ZNF346: variants seen among roughly 807,000 people sequenced by gnomAD.
ZNF346 encodes zinc finger protein 346.
In ZNF346, 23 loss-of-function variants were observed where a neutral mutation model predicts 33.7. That is an observed-to-expected ratio of 0.68 (90% CI 0.49 to 0.97). The LOEUF is 0.97. Among genes scored for constraint, ZNF346 ranks in the 50% least tolerant of loss-of-function variants. The pLI is 0.00. For missense variants in ZNF346, 340 were observed against 371.1 expected (o/e 0.92, Z 0.69); for synonymous variants, 134 against 142.4 (o/e 0.94, Z 0.42).
chr5:177,079,595 G>C (rs184595990), exon 9 of ZNF346: 2 of 152,182 alleles, frequency 1.3e-5, no homozygotes, highest in South Asian at 4.1e-4. Context: ...ACCTCTGGAC[G>C]TGGGGCTAAG....
At chr5:177,043,751 G>A (rs1779668881) in intron 3 of ZNF346, among the ~76,000 whole-genome samples, 1 of 151,686 alleles carries the variant, frequency 6.6e-6, no homozygotes, top group Non-Finnish European at 1.5e-5. Flanking sequence ...GCAACAGAGT[G>A]AGACCCTGTC....
At chr5:177,028,494 TTTTATA>T (rs1167383099) in intron 1 of ZNF346, among the ~76,000 whole-genome samples, 19 of 45,994 alleles carry the variant, frequency 4.1e-4, no homozygotes, top group African/African-American at 1.1e-3. Flanking sequence ...ACTTGTGACG[TTTTATA>T]TATATATATA....
At chr5:177,076,793 CA>C (rs1783772024) in intron 8 of ZNF346, among the ~76,000 whole-genome samples, 1 of 152,186 alleles carries the variant, frequency 6.6e-6, no homozygotes, top group Non-Finnish European at 1.5e-5. Context: ...GTAATCCCAG[CA>C]GTTTGGGAGG....
At chr5:177,078,377 T>C (rs1379777737) in intron 8 of ZNF346, among the ~76,000 whole-genome samples, 1 of 151,992 alleles carries the variant, frequency 6.6e-6, no homozygotes, top group Non-Finnish European at 1.5e-5. Context: ...GCAGGTGTCT[T>C]GGGGGAGACT....
downstream of ZNF346, among the ~76,000 whole-genome samples, chr5:177,070,855 ACTG>A (rs1783467197): frequency 6.6e-6 from 1 of 152,124 alleles, no homozygotes; most frequent in Non-Finnish European, 1.5e-5. Flanking sequence ...ACCCTCCACT[ACTG>A]GGGAGCCCCT....
chr5:177,037,684 A>G (rs1778689975), intron 1 of ZNF346, among the ~76,000 whole-genome samples: 1 of 152,104 alleles, frequency 6.6e-6, no homozygotes, highest in Non-Finnish European at 1.5e-5. Context: ...AGCTTCCATC[A>G]TCTATTCTCT....
chr5:177,049,025 A>C (rs1165246349), intron 4 of ZNF346, among the ~76,000 whole-genome samples: 1 of 152,004 alleles, frequency 6.6e-6, no homozygotes, highest in South Asian at 2.1e-4. Flanking sequence ...GAGTCAGATT[A>C]TCTGCCTGCC....
At chr5:177,058,610 A>C (rs1444347851) in intron 5 of ZNF346, among the ~76,000 whole-genome samples, 1 of 152,232 alleles carries the variant, frequency 6.6e-6, no homozygotes, top group Non-Finnish European at 1.5e-5. Context: ...TCACAAATAA[A>C]GAAGTTGAGA....
intron 5 of ZNF346, among the ~76,000 whole-genome samples, chr5:177,053,830 G>A (rs1287263652): frequency 6.6e-6 from 1 of 152,036 alleles, no homozygotes; most frequent in African/African-American, 2.4e-5. Flanking sequence ...AATCCATAGG[G>A]GATACGTTTC....
intron 8 of ZNF346, among the ~76,000 whole-genome samples, chr5:177,075,637 C>A (rs1347506832): frequency 6.6e-6 from 1 of 152,152 alleles, no homozygotes; most frequent in African/African-American, 2.4e-5. Flanking sequence ...CCACCTCAGC[C>A]TCCTGAGTAG....
intron 1 of ZNF346, among the ~76,000 whole-genome samples, chr5:177,023,546 A>C (rs1776218206): frequency 6.6e-6 from 1 of 152,208 alleles, no homozygotes; most frequent in Non-Finnish European, 1.5e-5. Flanking sequence ...GTTGCTGAGA[A>C]CAGTGTATGC....
chr5:177,073,098 A>G (rs1263704968), intron 8 of ZNF346, among the ~76,000 whole-genome samples: 1 of 152,158 alleles, frequency 6.6e-6, no homozygotes, highest in Non-Finnish European at 1.5e-5. Flanking sequence ...CTGTGTTACG[A>G]TGATCTAATT....
chr5:177,062,090 A>G lies in ZNF346; in HGVS notation c.736A>G (p.Ile246Val), dbSNP rs970081436. ...GGGCTACCCCTGCAAAACATGTAAG[A>G]TAGTGCTGAACTCCATAGAACAGTA... ...GKGYPCKTCK[I>V]VLNSIEQYQA... is the part of the protein sequence containing the mutation. Residue 246 changes from isoleucine to valine, a missense_variant, in exon 6 of 7, where the codon ATA becomes GTA. By Grantham distance (29) the Ile-to-Val change is conservative. Coordinates refer to ENST00000358149, the MANE Select transcript of ZNF346 (RefSeq NM_012279.4). 1 of 1,614,136 alleles carries G rather than the reference A, an allele frequency of 6.2e-7. No individual in the cohort carries two copies. Among genetic ancestry groups the G allele is most frequent in the South Asian group, 1.1e-5 (1 of 91,082 alleles).
At chr5:177,055,803 C>T (rs1054572832) in intron 5 of ZNF346, among the ~76,000 whole-genome samples, 5 of 151,878 alleles carry the variant, frequency 3.3e-5, no homozygotes, top group South Asian at 4.2e-4. Context: ...TGGCCGGGTG[C>T]AGTGGCTCAC....
At chr5:177,038,009 CAGACTT>C (rs1778753283) in intron 1 of ZNF346, among the ~76,000 whole-genome samples, 1 of 152,066 alleles carries the variant, frequency 6.6e-6, no homozygotes, top group Admixed American at 6.6e-5. Flanking sequence ...CCCTGCCTCA[CAGACTT>C]AATACTGTTT....
intron 1 of ZNF346, among the ~76,000 whole-genome samples, chr5:177,028,001 T>C (rs2149581638): frequency 6.6e-6 from 1 of 151,166 alleles, no homozygotes; most frequent in Non-Finnish European, 1.5e-5. Flanking sequence ...CTTTACTTGT[T>C]TTAAGTGTAC....
intron 6 of ZNF346, among the ~76,000 whole-genome samples, chr5:177,063,012 C>T (rs2149705792): frequency 6.6e-6 from 1 of 152,188 alleles, no homozygotes; most frequent in Non-Finnish European, 1.5e-5. Flanking sequence ...ATGGTTCTGT[C>T]CCTTCCTCTC....
At position 177,064,752 on chromosome 5, in the gene ZNF346, G is replaced by A. The variant is rs982915920; in HGVS notation, c.*153G>A. On this transcript the variant is annotated 3_prime_UTR_variant, in exon 7 of 7. Transcript: ENST00000358149. ...CCACAGACAGCCTCTCATTGGTCCGGGCTAATTCACTCCTGCTGCTCCCCT... is the reference window on the plus strand; with the variant it reads ...CCACAGACAGCCTCTCATTGGTCCGAGCTAATTCACTCCTGCTGCTCCCCT... 6.2e-6 allele frequency: 4 copies of A among 647,462 alleles called. No individual in the cohort carries two copies. The highest frequency in any genetic ancestry group is 4.9e-5 in the Admixed American group (2 of 41,168). 40.1% of individuals were successfully genotyped at this position (647,462 alleles called of 1,614,324 possible).
chr5:177,022,923 G>C lies in ZNF346; in HGVS notation c.175+10G>C. On this transcript the variant is annotated intron_variant, in intron 1 of 6. Transcript: ENST00000358149. The stretch of plus-strand genomic sequence containing the variant: ...GTGGGTAGAGAGGAAGGTGAGTCGG[G>C]GGCTTTGGAGGCAGAAAGCCCCTCG... 2 of 1,458,054 alleles carry C rather than the reference G, an allele frequency of 1.4e-6. No individual in the cohort carries two copies. Among genetic ancestry groups the C allele is most frequent in the Non-Finnish European group, 9.0e-7 (1 of 1,105,896 alleles). The allele number at this position is 1,458,054 out of a possible 1,614,324, so 90.3% of individuals were successfully genotyped here. A position where few individuals can be genotyped will look rare whatever the true frequency, so the allele number is the denominator to read the frequency against.
Sources: gnomAD v4.1 joint callset for allele counts (sites outside exome capture counted in the v4.1 genomes callset) on GRCh38, gnomAD v4.1.1 for gene constraint, MANE v1.5 for transcripts, NCBI Gene and HGNC (gene_info 2026-07-23, HGNC 2026-07-21) for gene names.